The following CLTC variants were observed in gnomAD, a reference collection of about 807,000 sequenced individuals.
The protein encoded by CLTC is clathrin heavy chain, also known as clathrin heavy chain 1.
In CLTC, 16 loss-of-function variants were observed where a neutral mutation model predicts 195.8. The ratio of observed to expected loss-of-function variants is 0.08; its 90% CI spans 0.06 to 0.12. CLTC has a LOEUF of 0.12. CLTC is among the 10% of genes least tolerant of loss of function. CLTC has a pLI of 1.00. For synonymous variants in CLTC, 667 were observed against 689.4 expected, an observed-to-expected ratio of 0.97 and a Z score of 0.51; for missense variants, 796 against 2,027.0, an observed-to-expected ratio of 0.39 and a Z score of 11.66.
At chr17:59,637,393 C>T (rs1373227147) in intron 1 of CLTC, among the ~76,000 whole-genome samples, 5 of 150,974 alleles carry the variant, frequency 3.3e-5, no homozygotes, top group South Asian at 4.2e-4. Context: ...TACAGGTGCC[C>T]GTCACCACAC....
intron 18 of CLTC, among the ~76,000 whole-genome samples, chr17:59,680,592 C>T (rs2033062778): frequency 1.3e-5 from 2 of 151,974 alleles, no homozygotes; most frequent in Admixed American, 6.6e-5. Flanking sequence ...CAAAACCAGA[C>T]GAATTACCGA....
At chr17:59,625,100 G>C (rs749001904) in intron 1 of CLTC, among the ~76,000 whole-genome samples, 15 of 151,538 alleles carry the variant, frequency 9.9e-5, no homozygotes, top group Non-Finnish European at 2.2e-4. Context: ...TCTAAATCTA[G>C]TGTGTGTGGT....
At chr17:59,692,159 G>A (rs775210129) in intron 31 of CLTC, among the ~76,000 whole-genome samples, 22 of 151,964 alleles carry the variant, frequency 1.4e-4, no homozygotes, top group South Asian at 1.2e-3. Flanking sequence ...TCTACTAAAA[G>A]TACAAAAATT....
At chr17:59,673,016 A>G (rs1055029710) in intron 14 of CLTC, among the ~76,000 whole-genome samples, 1 of 152,174 alleles carries the variant, frequency 6.6e-6, no homozygotes, top group Non-Finnish European at 1.5e-5. Context: ...ATGTCAGTCT[A>G]TAAGTAGGAT....
rs10611799 is a variant in CLTC, at chr17:59,659,453, A to AT, written c.970-923dup. ...TATTTTTATTTTTTATTTTTAATTAATTTTTTTTTTTTTTTGAGACAGAGT... is the reference window on the plus strand; with the variant it reads ...TATTTTTATTTTTTATTTTTAATTAATTTTTTTTTTTTTTTTGAGACAGAGT... On this transcript the variant is annotated intron_variant, in intron 6 of 31. Coordinates refer to ENST00000269122, the MANE Select transcript of CLTC (RefSeq NM_004859.4). Among the ~76,000 whole-genome samples, 30 of 134,556 alleles carry AT rather than the reference A, an allele frequency of 2.2e-4. 1 individual carries two copies. Among genetic ancestry groups the AT allele is most frequent in the African/African-American group, 4.6e-4 (17 of 37,362 alleles). The allele number at this position is 134,556 out of a possible 152,430, so 88.3% of individuals were successfully genotyped here. A position where few individuals can be genotyped will look rare whatever the true frequency, so the allele number is the denominator to read the frequency against.
At position 59,685,565 on chromosome 17, in the gene CLTC, C is replaced by CT. The variant is rs764541208; in HGVS notation, c.4606-19dup. 6.3e-7 allele frequency: 1 copy of CT among 1,587,562 alleles called. No homozygotes were observed. Among genetic ancestry groups the CT allele is most frequent in the Admixed American group, 1.7e-5 (1 of 59,584 alleles). On this transcript the variant is annotated intron_variant, in intron 29 of 31. Transcript: ENST00000269122. This position sits in a 1 kb window ranked among gnomAD's most constrained non-coding sequence, Gnocchi z 5.0. ...AGTATGTGGGGTCTAATGTTTTTGA[C>CT]TTTCACTATTTCTTTGAATAGGATG...
In CLTC at chr17:59,696,888, T is replaced by G. The variant is rs2033441429; in HGVS notation, c.*3036T>G. ...ATTTAGAACCACTGCTGATTAACCTTTGGCCAGTATGGGTCAGGGAAGGTG... is the reference window on the plus strand; with the variant it reads ...ATTTAGAACCACTGCTGATTAACCTGTGGCCAGTATGGGTCAGGGAAGGTG... On this transcript the variant is annotated 3_prime_UTR_variant, in exon 32 of 32. Coordinates refer to ENST00000269122, the MANE Select transcript of CLTC (RefSeq NM_004859.4). 5.0e-6 allele frequency: 1 copy of G among 198,258 alleles called. No individual in the cohort carries two copies. Among genetic ancestry groups the G allele is most frequent in the Non-Finnish European group, 1.0e-5 (1 of 95,792 alleles). 12.3% of individuals were successfully genotyped at this position (198,258 alleles called of 1,614,324 possible).
At chr17:59,680,376 TA>T in intron 18 of CLTC, among the ~76,000 whole-genome samples, 1 of 152,228 alleles carries the variant, frequency 6.6e-6, no homozygotes, top group Non-Finnish European at 1.5e-5. Context: ...AGAGTTGTTA[TA>T]ATGAGTCTTA....
intron 6 of CLTC, among the ~76,000 whole-genome samples, chr17:59,659,854 G>A (rs1021828610): frequency 1.3e-5 from 2 of 152,090 alleles, no homozygotes; most frequent in Non-Finnish European, 2.9e-5. Flanking sequence ...GAATGAAAAT[G>A]TAATTAACGA....
chr17:59,645,392 C>T (rs1314760474), intron 2 of CLTC, among the ~76,000 whole-genome samples: 2 of 152,154 alleles, frequency 1.3e-5, no homozygotes, highest in Admixed American at 6.5e-5. Context: ...AACTGTGCAG[C>T]TTAAGTCTAA....
chr17:59,661,768 A>C, intron 8 of CLTC, 125 bp downstream of exon 8: 3 of 789,560 alleles, frequency 3.8e-6, no homozygotes, highest in Non-Finnish European at 6.2e-6. Context: ...ACAAAAACAC[A>C]CATTGCATAA....
intron 14 of CLTC, among the ~76,000 whole-genome samples, chr17:59,670,232 C>A (rs540819947): frequency 3.2e-4 from 48 of 150,738 alleles, no homozygotes; most frequent in Admixed American, 1.4e-3. Flanking sequence ...AAAACAACAA[C>A]AAAAAAAACT....
At chr17:59,687,437 G>T (rs1260523769) in intron 30 of CLTC, among the ~76,000 whole-genome samples, 1 of 151,404 alleles carries the variant, frequency 6.6e-6, no homozygotes, top group African/African-American at 2.4e-5. Context: ...TTGCCTGACA[G>T]TTGTCGAATT....
At position 59,685,919 on chromosome 17, in the gene CLTC, C is replaced by T. The variant is rs1017035966; in HGVS notation, c.4827+111C>T. Reference sequence around the variant, plus strand: ...CTTTAGTAGAAGTAAGTCATTTAGTCGATCATAAAATATTCCTGTTCTTTT... The same window carrying T: ...CTTTAGTAGAAGTAAGTCATTTAGTTGATCATAAAATATTCCTGTTCTTTT... On this transcript the variant is annotated intron_variant, in intron 30 of 31. Transcript: ENST00000269122. The surrounding 1 kb of genome is among the most constrained non-coding windows in gnomAD (Gnocchi z 5.0). The T allele has an allele frequency of 1.3e-5, 11 of 816,910 alleles. No homozygotes were observed. The highest frequency in any genetic ancestry group is 1.1e-4 in the African/African-American group (6 of 56,736). 50.6% of individuals were successfully genotyped at this position (816,910 alleles called of 1,614,324 possible). A position where few individuals can be genotyped will look rare whatever the true frequency, so the allele number is the denominator to read the frequency against.
chr17:59,649,944 G>A (rs2032289150), intron 4 of CLTC, among the ~76,000 whole-genome samples: 1 of 152,204 alleles, frequency 6.6e-6, no homozygotes, highest in South Asian at 2.1e-4. Context: ...ATTTTGAACA[G>A]TATCTGGAAA....
At position 59,685,102 on chromosome 17, in the gene CLTC, C is replaced by T. The variant is rs778146159; in HGVS notation, c.4481C>T (p.Ser1494Leu). 11 of 1,606,930 alleles carry T rather than the reference C, an allele frequency of 6.8e-6. No individual in the cohort carries two copies. Among genetic ancestry groups the T allele is most frequent in the East Asian group, 4.5e-5 (2 of 44,762 alleles). ...GCTTATGACAACTTTGACAATATCT[C>T]GCTTGCTCAGCGTTTGGAAAAACAT... Reference protein sequence around the residue: ...IDAYDNFDNISLAQRLEKHEL... With the variant: ...IDAYDNFDNILLAQRLEKHEL... Residue 1494 changes from serine to leucine, a missense_variant, in exon 29 of 32, where the codon TCG (serine) becomes TTG (leucine). This residue lies in a region of CLTC where 148 missense variants were observed against 279.5 expected (regional missense o/e 0.53). Transcript: ENST00000269122. This position sits in a 1 kb window ranked among gnomAD's most constrained non-coding sequence, Gnocchi z 5.0.
chr17:59,633,754 G>A (rs1268072681), intron 1 of CLTC, among the ~76,000 whole-genome samples: 2 of 152,122 alleles, frequency 1.3e-5, no homozygotes, highest in Non-Finnish European at 2.9e-5. Flanking sequence ...GAAGTCGCTG[G>A]GAAGTTGTGT....
chr17:59,663,988 T>C lies in CLTC; in HGVS notation c.1515T>C (p.Ala505=). The change falls in exon 9 of 32, where the codon GCT becomes GCC. Residue 505 remains alanine, a synonymous_variant. Coordinates refer to ENST00000269122, the MANE Select transcript of CLTC (RefSeq NM_004859.4). Reference sequence around the variant, plus strand: ...AAGTCCAAAAGATTGTTTTATATGCTAAAAAAGTGAGTTCAATGAAACACA... The same window carrying C: ...AAGTCCAAAAGATTGTTTTATATGCCAAAAAAGTGAGTTCAATGAAACACA... The part of the protein sequence containing the change: ...TGQVQKIVLY[A]KKVGYTPDWI... 1 of 1,610,584 alleles carries C rather than the reference T, an allele frequency of 6.2e-7. No individual in the cohort carries two copies.
rs902021908 is a variant in CLTC, at chr17:59,696,614, CAT to C, written c.*2764_*2765del. ...CTCATATTCTGGGTAACTGGTATAA[CAT>C]AGTAATTATTAGGATTGTATCAAGT... On this transcript the variant is annotated 3_prime_UTR_variant, in exon 32 of 32. Transcript: ENST00000269122. 84 of 212,762 alleles carry C rather than the reference CAT, an allele frequency of 3.9e-4. No homozygotes were observed. The highest frequency in any genetic ancestry group is 1.7e-3 in the African/African-American group (74 of 44,252). The allele number at this position is 212,762 out of a possible 1,614,324, so 13.2% of individuals were successfully genotyped here.
Sources: gnomAD v4.1 joint callset for allele counts (sites outside exome capture counted in the v4.1 genomes callset) on GRCh38, gnomAD v4.1.1 for gene constraint, gnomAD v4.1.1 regional missense constraint, Gnocchi (gnomAD v3.1) non-coding constraint, MANE v1.5 for transcripts, NCBI Gene and HGNC (gene_info 2026-07-23, HGNC 2026-07-21) for gene names.